Variants in ESRRG observed in about 807,000 individuals in gnomAD.
ESRRG encodes the protein estrogen related receptor gamma.
In ESRRG, 13 loss-of-function variants were observed where a neutral mutation model predicts 44.0. That is an observed-to-expected ratio of 0.30 (90% CI 0.19 to 0.47). The LOEUF (loss-of-function observed/expected upper bound fraction) is 0.47. Ranked by LOEUF, ESRRG falls within the 20% of genes least tolerant of loss-of-function variation. The pLI, the probability that ESRRG is intolerant of heterozygous loss-of-function variation, is 1.00. For missense variants in ESRRG, 395 were observed against 580.6 expected (o/e 0.68, Z 3.29); for synonymous variants, 215 against 214.6 (o/e 1.00, Z -0.02).
At position 216,635,323 on chromosome 1, in the gene ESRRG, C is replaced by T. The variant is rs182254133; in HGVS notation, c.589+15650G>A. The stretch of plus-strand genomic sequence containing the variant: ...AACTTGAGCAGGCAAGTAAAGAGCT[C>T]ACAGGTTCTAAGCTACCCGCAGCTT... On this transcript the variant is annotated intron_variant, in intron 3 of 6. Coordinates refer to ENST00000408911, the MANE Select transcript of ESRRG (RefSeq NM_001438.4). 2.6e-3 allele frequency among the ~76,000 whole-genome samples: 398 copies of T among 152,256 alleles called. 2 individuals are homozygous for T. The highest frequency in any genetic ancestry group is 8.9e-3 in the African/African-American group (371 of 41,546).
chr1:216,977,068 T>C (rs1033877651), intron 1 of ESRRG, among the ~76,000 whole-genome samples: 2 of 152,080 alleles, frequency 1.3e-5, no homozygotes, highest in African/African-American at 4.8e-5. Flanking sequence ...TCTTGCTCGC[T>C]CTCTCTTATT....
At chr1:216,644,112 C>T (rs1295908837) in intron 3 of ESRRG, among the ~76,000 whole-genome samples, 1 of 152,146 alleles carries the variant, frequency 6.6e-6, no homozygotes, top group African/African-American at 2.4e-5. Flanking sequence ...ACCTTGGGTT[C>T]CTTATCTGAC....
chr1:216,819,898 G>A (rs2095249572), intron 2 of ESRRG, among the ~76,000 whole-genome samples: 1 of 152,184 alleles, frequency 6.6e-6, no homozygotes, highest in Non-Finnish European at 1.5e-5. Context: ...AATGTTTACA[G>A]GGTATGGAGC....
At chr1:216,901,021 G>A (rs1400320236) in intron 2 of ESRRG, among the ~76,000 whole-genome samples, 1 of 152,180 alleles carries the variant, frequency 6.6e-6, no homozygotes, top group Admixed American at 6.6e-5. Flanking sequence ...GCTAGACTAT[G>A]AGAAGCAATC....
chr1:216,825,244 T>C (rs2148665337), intron 2 of ESRRG, among the ~76,000 whole-genome samples: 1 of 152,288 alleles, frequency 6.6e-6, no homozygotes, highest in South Asian at 2.1e-4. Flanking sequence ...TCCTGCCCCT[T>C]AAGGAAATGT....
chr1:217,042,992 C>T (rs1421808704), intron 1 of ESRRG, among the ~76,000 whole-genome samples: 1 of 152,144 alleles, frequency 6.6e-6, no homozygotes, highest in African/African-American at 2.4e-5. Context: ...GGCCTGATAT[C>T]TCCCTTTATA....
chr1:216,624,056 C>T (rs1361835243), intron 3 of ESRRG, among the ~76,000 whole-genome samples: 1 of 152,098 alleles, frequency 6.6e-6, no homozygotes, highest in African/African-American at 2.4e-5. Flanking sequence ...ATACACTAAG[C>T]CAATATGGTT....
At chr1:216,880,969 A>G (rs2096436854) in intron 2 of ESRRG, among the ~76,000 whole-genome samples, 1 of 152,202 alleles carries the variant, frequency 6.6e-6, no homozygotes, top group Admixed American at 6.5e-5. Context: ...CCTAAAGATA[A>G]AATATAAATA....
chr1:216,900,904 A>C (rs2058991280), intron 2 of ESRRG, among the ~76,000 whole-genome samples: 1 of 152,202 alleles, frequency 6.6e-6, no homozygotes, highest in Admixed American at 6.5e-5. Flanking sequence ...TTAGAAGTGC[A>C]CTAAGGGTGT....
chr1:216,513,483 T>C (rs1380645483), intron 6 of ESRRG, among the ~76,000 whole-genome samples: 1 of 152,188 alleles, frequency 6.6e-6, no homozygotes, highest in Non-Finnish European at 1.5e-5. Flanking sequence ...AGCTCTCCAT[T>C]AAGATACTGT....
chr1:216,570,828 G>C (rs1400241838), intron 3 of ESRRG, among the ~76,000 whole-genome samples: 1 of 152,168 alleles, frequency 6.6e-6, no homozygotes, highest in Non-Finnish European at 1.5e-5. Context: ...AATCTTGACT[G>C]AGTTTGTAGA....
intron 1 of ESRRG, among the ~76,000 whole-genome samples, chr1:216,948,167 C>T (rs1022886536): frequency 6.6e-6 from 1 of 152,130 alleles, no homozygotes. Flanking sequence ...ACTGCTGTAA[C>T]TAAACACTCT....
At chr1:216,680,073 C>T (rs929308097) in intron 1 of ESRRG, among the ~76,000 whole-genome samples, 3 of 152,216 alleles carry the variant, frequency 2.0e-5, no homozygotes, top group African/African-American at 4.8e-5. Context: ...TGGAGCCATA[C>T]ATGAAAGTGA....
chr1:216,671,106 C>T (rs1381771841), intron 2 of ESRRG, among the ~76,000 whole-genome samples: 3 of 152,134 alleles, frequency 2.0e-5, no homozygotes, highest in African/African-American at 7.2e-5. Flanking sequence ...AATGGTCACT[C>T]CCACACCTCA....
At chr1:216,799,234 C>T (rs72739428) in intron 2 of ESRRG, among the ~76,000 whole-genome samples, 2,379 of 152,184 alleles carry the variant, frequency 0.016, 29 homozygotes, top group Non-Finnish European at 0.026. Flanking sequence ...CTCAGGAATT[C>T]CGATAAACAT....
At chr1:216,611,753 G>GTA (rs1010149880) in intron 3 of ESRRG, among the ~76,000 whole-genome samples, 3 of 150,524 alleles carry the variant, frequency 2.0e-5, no homozygotes, top group African/African-American at 5.0e-5. Context: ...TGTGCTAGAG[G>GTA]TATGTAAAAA....
intron 1 of ESRRG, among the ~76,000 whole-genome samples, chr1:216,978,498 C>T (rs1047138494): frequency 6.6e-6 from 1 of 152,186 alleles, no homozygotes; most frequent in African/African-American, 2.4e-5. Flanking sequence ...GTCAAACATG[C>T]TAATACTCAC....
At chr1:216,945,844 A>G (rs1450211707) in intron 1 of ESRRG, among the ~76,000 whole-genome samples, 2 of 152,202 alleles carry the variant, frequency 1.3e-5, no homozygotes, top group Admixed American at 1.3e-4. Context: ...TACTTAGGAC[A>G]TTATGATTCT....
chr1:216,543,571 AT>A (rs2053523183), intron 5 of ESRRG, among the ~76,000 whole-genome samples: 1 of 151,984 alleles, frequency 6.6e-6, no homozygotes, highest in Non-Finnish European at 1.5e-5. Context: ...TTACCACTAA[AT>A]TTTGGATTAC....
Sources: allele counts gnomAD v4.1 joint callset (sites outside exome capture counted in the v4.1 genomes callset), GRCh38; gene constraint gnomAD v4.1.1; transcripts MANE v1.5; gene names NCBI Gene and HGNC (gene_info 2026-07-23, HGNC 2026-07-21).